Variants in PCDHGB3 observed in about 807,000 individuals in gnomAD.
The protein encoded by PCDHGB3 is protocadherin gamma-B3.
PCDHGB3 carries 40 observed loss-of-function variants against 59.2 expected under a neutral mutation model. That is an observed-to-expected ratio of 0.68 (90% CI 0.52 to 0.88). The LOEUF is 0.88. PCDHGB3 is among the 40% of genes least tolerant of loss of function. The pLI is 0.00. For synonymous variants in PCDHGB3, 581 were observed against 503.6 expected (o/e 1.15, Z -2.06); for missense variants, 1,309 against 1,187.9 (o/e 1.10, Z -1.50).
chr5:141,453,323 G>A (rs1313870724), intron 1 of PCDHGB3, among the ~76,000 whole-genome samples: 1 of 151,482 alleles, frequency 6.6e-6, no homozygotes, highest in Non-Finnish European at 1.5e-5. Context: ...TTTAGAGATG[G>A]GGTCTCACTA....
At chr5:141,427,863 G>A (rs769808388) in intron 1 of PCDHGB3, 1 of 1,557,316 alleles carries the variant, frequency 6.4e-7, no homozygotes, top group Non-Finnish European at 8.8e-7. Context: ...GTGCGCCTTC[G>A]AGCTCACGAT....
In PCDHGB3 at chr5:141,485,027, G is replaced by A. The variant is rs1594439784; in HGVS notation, c.2416-9780G>A. ...AATCTACCCCGCCACCAGCAAAAAC[G>A]GCGCGTAACCCTTGCGGCGCCGGCC... is the stretch of plus-strand genomic sequence containing the variant. On this transcript the variant is annotated intron_variant, in intron 1 of 3. Coordinates refer to ENST00000576222, the MANE Select transcript of PCDHGB3 (RefSeq NM_018924.5). The surrounding 1 kb of genome is among the most constrained non-coding windows in gnomAD (Gnocchi z 5.7). 1.5e-6 allele frequency: 1 copy of A among 662,546 alleles called. No individual in the cohort carries two copies. Among genetic ancestry groups the A allele is most frequent in the South Asian group, 1.9e-5 (1 of 53,596 alleles). The allele number at this position is 662,546 out of a possible 1,614,324, so 41.0% of individuals were successfully genotyped here.
chr5:141,498,284 G>A (rs1339639509), intron 2 of PCDHGB3, among the ~76,000 whole-genome samples: 1 of 152,004 alleles, frequency 6.6e-6, no homozygotes, highest in Non-Finnish European at 1.5e-5. Flanking sequence ...CTTGGTTCAA[G>A]ATCAAGCCAG....
At chr5:141,465,768 C>T (rs1414064889) in intron 1 of PCDHGB3, among the ~76,000 whole-genome samples, 1 of 151,916 alleles carries the variant, frequency 6.6e-6, no homozygotes, top group Non-Finnish European at 1.5e-5. Flanking sequence ...CATGTTTCAT[C>T]TCTTGTTACA....
At chr5:141,430,811 A>T in intron 1 of PCDHGB3, 1 of 1,527,400 alleles carries the variant, frequency 6.5e-7, no homozygotes, top group Non-Finnish European at 8.8e-7. Context: ...CCTGCTGGGA[A>T]TCCTCCTGGG....
At chr5:141,503,981 C>T (rs774655880) in intron 2 of PCDHGB3, among the ~76,000 whole-genome samples, 4 of 152,300 alleles carry the variant, frequency 2.6e-5, no homozygotes, top group East Asian at 1.9e-4. Flanking sequence ...CCAAACCCTT[C>T]TTCTTACCTT....
At position 141,464,036 on chromosome 5, in the gene PCDHGB3, G is replaced by A. The variant is rs907276618; in HGVS notation, c.2416-30771G>A. On this transcript the variant is annotated intron_variant, in intron 1 of 3. Coordinates refer to ENST00000576222, the MANE Select transcript of PCDHGB3 (RefSeq NM_018924.5). ...ATCCCACACTTTGGGAGGCCAAGGC[G>A]GGTGGATCACCTGAGGTCAGGAGTT... Among the ~76,000 whole-genome samples the A allele has an allele frequency of 2.6e-5, 4 of 152,096 alleles. No individual in the cohort carries two copies. The East Asian group carries it at 5.8e-4, about 22-fold the overall frequency.
Position 141,489,569 on chromosome 5 carries a change from C to T in PCDHGB3, c.2416-5238C>T. On this transcript the variant is annotated intron_variant, in intron 1 of 3. Coordinates refer to ENST00000576222, the MANE Select transcript of PCDHGB3 (RefSeq NM_018924.5). This position sits in a 1 kb window ranked among gnomAD's most constrained non-coding sequence, Gnocchi z 4.5. ...TGCCTGCTGCCAGTGCAGGTGGTGACTGAACACCCCCTGGAGCTAATCCGT... is the reference window on the plus strand; with the variant it reads ...TGCCTGCTGCCAGTGCAGGTGGTGATTGAACACCCCCTGGAGCTAATCCGT... 6.2e-7 allele frequency: 1 copy of T among 1,614,024 alleles called. No homozygotes were observed. The highest frequency in any genetic ancestry group is 2.2e-5 in the East Asian group (1 of 44,870).
At chr5:141,457,953 C>G (rs12188170) in intron 1 of PCDHGB3, among the ~76,000 whole-genome samples, 6,291 of 152,286 alleles carry the variant, frequency 0.041, 196 homozygotes, top group Admixed American at 0.075. Context: ...GCATGTCAAG[C>G]TTGATTCCTT....
rs752225423 is a variant in PCDHGB3, at chr5:141,372,534, C to A, written c.2140C>A (p.Arg714Ser). The change falls in exon 1 of 4, where the codon CGC (arginine) becomes AGC (serine). Residue 714 changes from arginine to serine, a missense_variant. Transcript: ENST00000576222. ...CGCGGTGATTCTGGCAATCTCCCTG[C>A]GCCTGCGATGCTCCTCCAGACCCGC... ...LLAVILAISLRLRCSSRPATE... is the reference protein window; with the variant it reads ...LLAVILAISLSLRCSSRPATE... 49 of 1,613,884 alleles carry A rather than the reference C, an allele frequency of 3.0e-5. No individual in the cohort carries two copies. The highest frequency in any genetic ancestry group is 4.0e-5 in the Non-Finnish European group (47 of 1,179,894).
Position 141,477,545 on chromosome 5 carries a change from C to T in PCDHGB3, c.2416-17262C>T. The T allele has an allele frequency of 6.2e-7, 1 of 1,614,194 alleles. No individual in the cohort carries two copies. Among genetic ancestry groups the T allele is most frequent in the South Asian group, 1.1e-5 (1 of 91,086 alleles). On this transcript the variant is annotated intron_variant, in intron 1 of 3. Coordinates refer to ENST00000576222, the MANE Select transcript of PCDHGB3 (RefSeq NM_018924.5). The surrounding 1 kb of genome is among the most constrained non-coding windows in gnomAD (Gnocchi z 4.9). ...AAACAACCTCCCCGGGGCTCCAATA[C>T]TAAACCTAAGTGTCTGGGACCCCGA...
Position 141,371,757 on chromosome 5 carries a change from G to A in PCDHGB3, c.1363G>A (p.Ala455Thr). The A allele has an allele frequency of 6.2e-7, 1 of 1,614,002 alleles. No individual in the cohort carries two copies. Among genetic ancestry groups the A allele is most frequent in the East Asian group, 2.2e-5 (1 of 44,882 alleles). Reference protein sequence around the residue: ...VNDNVPVFHQASYTVHVAENN... With the variant: ...VNDNVPVFHQTSYTVHVAENN... Reference sequence around the variant, plus strand: ...CGACAACGTTCCCGTTTTCCACCAGGCCTCCTACACCGTGCATGTAGCTGA... The same window carrying A: ...CGACAACGTTCCCGTTTTCCACCAGACCTCCTACACCGTGCATGTAGCTGA... Residue 455 changes from alanine (A) to threonine (T), a missense_variant, in exon 1 of 4, where the codon GCC (alanine) becomes ACC (threonine). By Grantham distance (58) the Ala-to-Thr change is moderately conservative (BLOSUM62 0). Coordinates refer to ENST00000576222, the MANE Select transcript of PCDHGB3 (RefSeq NM_018924.5).
chr5:141,385,209 C>G (rs375927473), intron 1 of PCDHGB3: 95 of 1,614,118 alleles, frequency 5.9e-5, no homozygotes, highest in Non-Finnish European at 7.8e-5. Context: ...ACCTGATCTT[C>G]CCCCAGCCCA....
chr5:141,423,996 A>G (rs1164307988), intron 1 of PCDHGB3: 1 of 1,079,028 alleles, frequency 9.3e-7, no homozygotes, highest in African/African-American at 1.7e-5. Context: ...AATTTATTAT[A>G]TATAGATACA....
At chr5:141,412,434 A>C (rs2095556498) in intron 1 of PCDHGB3, 1 of 152,240 alleles carries the variant, frequency 6.6e-6, no homozygotes, top group Admixed American at 6.5e-5. Flanking sequence ...CAAAAAGGTT[A>C]ATTAAGGCTC....
chr5:141,404,415 T>C, intron 1 of PCDHGB3: 1 of 1,613,844 alleles, frequency 6.2e-7, no homozygotes, highest in Non-Finnish European at 8.5e-7. Context: ...TCTAGAGTTA[T>C]TTACTCCTTG....
intron 1 of PCDHGB3, among the ~76,000 whole-genome samples, chr5:141,439,243 T>C (rs2098101178): frequency 6.6e-6 from 1 of 151,962 alleles, no homozygotes; most frequent in Non-Finnish European, 1.5e-5. Flanking sequence ...CCTATACAAT[T>C]TCAGCTGAAG....
chr5:141,390,061 A>G, intron 1 of PCDHGB3: 1 of 1,614,016 alleles, frequency 6.2e-7, no homozygotes, highest in East Asian at 2.2e-5. Context: ...AGCTGCTTCC[A>G]GCCTGGTCTC....
At chr5:141,393,348 T>G in intron 1 of PCDHGB3, 1 of 1,613,848 alleles carries the variant, frequency 6.2e-7, no homozygotes, top group Non-Finnish European at 8.5e-7. Context: ...TCACCACTTC[T>G]CCCTGGACGT....
Sources: gnomAD v4.1 joint callset for allele counts (sites outside exome capture counted in the v4.1 genomes callset) on GRCh38, gnomAD v4.1.1 for gene constraint, Gnocchi (gnomAD v3.1) non-coding constraint, MANE v1.5 for transcripts, NCBI Gene and HGNC (gene_info 2026-07-23, HGNC 2026-07-21) for gene names.